The following CPED1 variants were observed in gnomAD, a reference collection of about 807,000 sequenced individuals.
CPED1 encodes cadherin-like and PC-esterase domain-containing protein 1.
Under a neutral mutation model 128.2 loss-of-function variants are expected in CPED1, and 114 were observed. The observed-to-expected ratio is 0.89, with a 90% confidence interval of 0.76 to 1.04. CPED1 has a LOEUF of 1.04. Ranked by LOEUF, CPED1 falls within the 50% of genes least tolerant of loss-of-function variation. The probability of loss-of-function intolerance (pLI) is 0.00; values close to 1 mark genes in which losing one functional copy is unlikely to be tolerated. For missense variants in CPED1, 1,211 were observed against 1,207.1 expected, an observed-to-expected ratio of 1.00 and a Z score of -0.05; for synonymous variants, 462 against 426.7, an observed-to-expected ratio of 1.08 and a Z score of -1.02.
chr7:121,065,565 C>G (rs1288411190), intron 5 of CPED1, among the ~76,000 whole-genome samples: 2 of 152,024 alleles, frequency 1.3e-5, no homozygotes, highest in Admixed American at 1.3e-4. Context: ...AATGCTTGAT[C>G]CAGAACATTA....
intron 4 of CPED1, among the ~76,000 whole-genome samples, chr7:121,052,357 C>T (rs1038752233): frequency 6.6e-6 from 1 of 152,156 alleles, no homozygotes; most frequent in Non-Finnish European, 1.5e-5. Context: ...CTGGACAACA[C>T]GAAGTCACAC....
At chr7:121,266,577 A>G (rs991015843) in intron 19 of CPED1, 130 bp downstream of exon 19, 2 of 1,178,066 alleles carry the variant, frequency 1.7e-6, no homozygotes, top group Admixed American at 3.6e-5. Context: ...AAGGCAGCAG[A>G]AAACAAGTTG....
intron 16 of CPED1, among the ~76,000 whole-genome samples, chr7:121,166,949 C>T (rs1219412592): frequency 6.6e-6 from 1 of 152,026 alleles, no homozygotes; most frequent in Non-Finnish European, 1.5e-5. Context: ...GAGCTGTGGC[C>T]ACATTTGACT....
intron 16 of CPED1, among the ~76,000 whole-genome samples, chr7:121,157,861 G>A (rs1762201500): frequency 6.6e-6 from 1 of 152,100 alleles, no homozygotes; most frequent in African/African-American, 2.4e-5. Flanking sequence ...CCAGTTCACT[G>A]ACAATTTACC....
At position 121,190,379 on chromosome 7, in the gene CPED1, G is replaced by A. The variant is rs1797107554; in HGVS notation, c.2056-46335G>A. 3.9e-5 allele frequency among the ~76,000 whole-genome samples: 5 copies of A among 128,960 alleles called. No homozygotes were observed. The South Asian group carries it at 8.3e-4, about 21-fold the overall frequency. 84.6% of individuals were successfully genotyped at this position (128,960 alleles called of 152,430 possible). On this transcript the variant is annotated intron_variant, in intron 16 of 22. Coordinates refer to ENST00000310396, the MANE Select transcript of CPED1 (RefSeq NM_024913.5). ...TGTACTCCAGCCTAGGTGACAGAGC[G>A]AGACTCTGTATCAAAAAAAAAAAAA...
intron 2 of CPED1, among the ~76,000 whole-genome samples, chr7:120,990,960 A>G (rs1664731817): frequency 6.6e-6 from 1 of 152,240 alleles, no homozygotes; most frequent in Non-Finnish European, 1.5e-5. Context: ...GCATTTTATG[A>G]ACAAGGAGCC....
intron 17 of CPED1, among the ~76,000 whole-genome samples, chr7:121,241,047 A>G (rs547625285): frequency 1.3e-5 from 2 of 151,888 alleles, no homozygotes; most frequent in Non-Finnish European, 2.9e-5. Context: ...TGAATGAAAA[A>G]GAAATTATAA....
intron 7 of CPED1, among the ~76,000 whole-genome samples, chr7:121,107,174 A>G (rs798939): frequency 0.87 from 131,839 of 152,072 alleles, 57,405 homozygotes; most frequent in Middle Eastern, 0.98. Flanking sequence ...ACTCCCTGCA[A>G]TCTTCCTAAA....
intron 8 of CPED1, 111 bp from the exon 9 acceptor site, chr7:121,125,709 C>A: frequency 2.8e-6 from 2 of 714,908 alleles, no homozygotes; most frequent in South Asian, 1.6e-5. Context: ...TCCAGTCTAT[C>A]ATTAATGGGC....
intron 4 of CPED1, among the ~76,000 whole-genome samples, chr7:121,053,500 C>G (rs190967127): frequency 1.3e-5 from 2 of 152,322 alleles, no homozygotes; most frequent in East Asian, 1.9e-4. Context: ...GTCCTTGTCT[C>G]TTGTTACTGG....
intron 2 of CPED1, among the ~76,000 whole-genome samples, chr7:121,010,112 A>G (rs1286252973): frequency 6.6e-6 from 1 of 152,234 alleles, no homozygotes; most frequent in East Asian, 1.9e-4. Flanking sequence ...TGGACATTAA[A>G]CAAATAATAT....
intron 10 of CPED1, 139 bp from the exon 11 acceptor site, chr7:121,128,243 C>T: frequency 3.4e-6 from 2 of 581,582 alleles, no homozygotes; most frequent in African/African-American, 1.9e-5. Context: ...GTTGAAGTTG[C>T]TATGTATTAT....
At position 121,221,575 on chromosome 7, in the gene CPED1, C is replaced by A. The variant is rs189102267; in HGVS notation, c.2056-15139C>A. Among the ~76,000 whole-genome samples, 1,068 of 152,340 alleles carry A rather than the reference C, an allele frequency of 7.0e-3. 12 individuals carry two copies. Among genetic ancestry groups the A allele is most frequent in the African/African-American group, 0.025 (1,020 of 41,572 alleles). ...CAATGGTTGAACTAATTTACACTCCCACCAACAGTGTAAAAGTGTTCCTAT... is the reference window on the plus strand; with the variant it reads ...CAATGGTTGAACTAATTTACACTCCAACCAACAGTGTAAAAGTGTTCCTAT... On this transcript the variant is annotated intron_variant, in intron 16 of 22. Coordinates refer to ENST00000310396, the MANE Select transcript of CPED1 (RefSeq NM_024913.5).
At chr7:121,128,629 G>A in intron 11 of CPED1, 143 bp downstream of exon 11, 1 of 570,252 alleles carries the variant, frequency 1.8e-6, no homozygotes, top group Non-Finnish European at 3.2e-6. Flanking sequence ...CTCTTTCAGA[G>A]ATCTAAGTAG....
intron 18 of CPED1, among the ~76,000 whole-genome samples, chr7:121,246,546 T>A (rs1798539064): frequency 6.6e-6 from 1 of 152,192 alleles, no homozygotes; most frequent in South Asian, 2.1e-4. Flanking sequence ...AGTCCCTGAC[T>A]CTTATAAGGA....
At chr7:121,111,889 A>G (rs1795120283) in intron 7 of CPED1, among the ~76,000 whole-genome samples, 1 of 152,206 alleles carries the variant, frequency 6.6e-6, no homozygotes, top group Non-Finnish European at 1.5e-5. Context: ...TAGTGACTTC[A>G]AATAAACATT....
chr7:121,199,478 G>A (rs1403518715), intron 16 of CPED1, among the ~76,000 whole-genome samples: 1 of 151,682 alleles, frequency 6.6e-6, no homozygotes, highest in Non-Finnish European at 1.5e-5. Context: ...AAGAGATCTA[G>A]ACCATCCTGG....
intron 16 of CPED1, among the ~76,000 whole-genome samples, chr7:121,190,023 T>G (rs1797099503): frequency 1.3e-5 from 2 of 151,266 alleles, no homozygotes; most frequent in Admixed American, 6.6e-5. Flanking sequence ...GAAATTTACA[T>G]TAGGGTTGAA....
intron 16 of CPED1, among the ~76,000 whole-genome samples, chr7:121,211,380 T>G (rs117596264): frequency 6.6e-6 from 1 of 152,220 alleles, no homozygotes; most frequent in East Asian, 1.9e-4. Context: ...CCTGTTGAAA[T>G]TAGCGAAGTC....
Sources: gnomAD v4.1 joint callset for allele counts (sites outside exome capture counted in the v4.1 genomes callset) on GRCh38, gnomAD v4.1.1 for gene constraint, MANE v1.5 for transcripts, NCBI Gene and HGNC (gene_info 2026-07-23, HGNC 2026-07-21) for gene names.